SNRK: variants seen among roughly 807,000 people sequenced by gnomAD.
SNRK encodes the protein SNF-related serine/threonine-protein kinase.
In SNRK, 3 loss-of-function variants were observed where a neutral mutation model predicts 48.2. The observed-to-expected ratio is 0.06, with a 90% confidence interval of 0.03 to 0.16. The LOEUF is 0.16. Ranked by LOEUF, SNRK falls within the 10% of genes least tolerant of loss-of-function variation. The pLI is 1.00. For synonymous variants in SNRK, 376 were observed against 366.1 expected, an observed-to-expected ratio of 1.03 and a Z score of -0.31; for missense variants, 627 against 976.0, an observed-to-expected ratio of 0.64 and a Z score of 4.76.
intron 5 of SNRK, among the ~76,000 whole-genome samples, chr3:43,341,060 C>T (rs2091232073): frequency 6.6e-6 from 1 of 152,118 alleles, no homozygotes; most frequent in African/African-American, 2.4e-5. Flanking sequence ...ATTATCTGGC[C>T]CTTGAGAGCC....
At chr3:43,295,147 T>C (rs2090842749) in intron 1 of SNRK, among the ~76,000 whole-genome samples, 1 of 152,234 alleles carries the variant, frequency 6.6e-6, no homozygotes, top group South Asian at 2.1e-4. Flanking sequence ...GGTCCAGGTC[T>C]TGTGGCTTGG....
chr3:43,348,050 C>T lies in SNRK; in HGVS notation c.1791C>T (p.Ser597=), dbSNP rs1176306238. 6.2e-7 allele frequency: 1 copy of T among 1,605,130 alleles called. No individual in the cohort carries two copies. The highest frequency in any genetic ancestry group is 2.2e-5 in the East Asian group (1 of 44,830). ...CCAGTGGAGGGGTGGACAAGGCCAG[C>T]CCCAGTGAGAACAATGCTGGTGGGG... The part of the protein sequence containing the change: ...SNASGGVDKA[S]PSENNAGGGS... Residue 597 remains serine (S), a synonymous_variant, in exon 7 of 7, where the codon AGC becomes AGT. Coordinates refer to ENST00000296088, the MANE Select transcript of SNRK (RefSeq NM_017719.5).
intron 5 of SNRK, chr3:43,343,095 A>G (rs1346062475): frequency 2.6e-6 from 1 of 390,538 alleles, no homozygotes; most frequent in Non-Finnish European, 4.5e-6. Flanking sequence ...TGCTGTTGGC[A>G]TTTTGGATTT....
chr3:43,296,430 A>ATATATATATATG (rs371180789), intron 1 of SNRK, among the ~76,000 whole-genome samples: 1 of 146,080 alleles, frequency 6.8e-6, no homozygotes, highest in East Asian at 2.0e-4. Flanking sequence ...ATATATATAT[A>ATATATATATATG]TATGTATATA....
chr3:43,311,778 C>T (rs946844254), intron 3 of SNRK, among the ~76,000 whole-genome samples: 3 of 152,084 alleles, frequency 2.0e-5, no homozygotes, highest in South Asian at 4.1e-4. Flanking sequence ...GCTGCTTGTC[C>T]TGTGGGGTGG....
rs75950689 is a variant in SNRK at position 43,347,593 on chromosome 3, T to G, written c.1334T>G (p.Val445Gly). Residue 445 changes from valine (V) to glycine (G), a missense_variant, in exon 7 of 7, where the codon GTG becomes GGG. This residue lies in a region of SNRK where 175 missense variants were observed against 209.7 expected (regional missense o/e 0.83). Coordinates refer to ENST00000296088, the MANE Select transcript of SNRK (RefSeq NM_017719.5). This position sits in a 1 kb window ranked among gnomAD's most constrained non-coding sequence, Gnocchi z 5.4. Reference protein sequence around the residue: ...TASGRKCLFRVEEDEEEDEED... With the variant: ...TASGRKCLFRGEEDEEEDEED... ...AGTGGGCGGAAGTGTCTGTTCAGGGTGGAAGAAGATGAAGAGGAAGATGAG... is the reference window on the plus strand; with the variant it reads ...AGTGGGCGGAAGTGTCTGTTCAGGGGGGAAGAAGATGAAGAGGAAGATGAG... The G allele has an allele frequency of 6.2e-7, 1 of 1,613,572 alleles. No individual in the cohort carries two copies. The highest frequency in any genetic ancestry group is 8.5e-7 in the Non-Finnish European group (1 of 1,179,920).
intron 6 of SNRK, chr3:43,346,933 A>T (rs2091280896): frequency 6.3e-6 from 1 of 157,846 alleles, no homozygotes; most frequent in South Asian, 2.0e-4. Context: ...TTTCAGGTGA[A>T]TTTTATTTGT....
chr3:43,308,983 C>T (rs1428337093), intron 3 of SNRK, among the ~76,000 whole-genome samples: 1 of 152,142 alleles, frequency 6.6e-6, no homozygotes, highest in African/African-American at 2.4e-5. Context: ...TTCCAGCCCT[C>T]ATGGATGACT....
At chr3:43,310,498 A>G (rs73075050) in intron 3 of SNRK, among the ~76,000 whole-genome samples, 2,374 of 152,058 alleles carry the variant, frequency 0.016, 21 homozygotes, top group Non-Finnish European at 0.026. Context: ...CTTACTTTTT[A>G]CTTAATTTTA....
In SNRK at chr3:43,303,604, A is replaced by G. The variant is rs1349439464; in HGVS notation, c.401A>G (p.His134Arg). The G allele has an allele frequency of 1.9e-6, 3 of 1,614,050 alleles. No individual in the cohort carries two copies. The highest frequency in any genetic ancestry group is 2.2e-5 in the East Asian group (1 of 44,896). The change falls in exon 3 of 7, where the codon CAT becomes CGT. Residue 134 changes from histidine (H) to arginine (R), a missense_variant. Physicochemically the swap from His to Arg is conservative, Grantham distance 29 (BLOSUM62 0). Coordinates refer to ENST00000296088, the MANE Select transcript of SNRK (RefSeq NM_017719.5). The surrounding 1 kb of genome is among the most constrained non-coding windows in gnomAD (Gnocchi z 6.2). ...GCTATATCTTATTGCCATAAACTCC[A>G]TGTGGTTCACAGAGACTTAAAACCA... ...VHAISYCHKL[H>R]VVHRDLKPEN...
intron 4 of SNRK, among the ~76,000 whole-genome samples, chr3:43,334,115 C>T (rs1356941831): frequency 6.6e-6 from 1 of 152,040 alleles, no homozygotes; most frequent in Non-Finnish European, 1.5e-5. Flanking sequence ...CACTGCACTC[C>T]AGCCTGGGCG....
chr3:43,316,688 AC>A (rs1282482587), intron 3 of SNRK, among the ~76,000 whole-genome samples: 1 of 151,744 alleles, frequency 6.6e-6, no homozygotes, highest in Non-Finnish European at 1.5e-5. Flanking sequence ...ATAAGTGAAA[AC>A]CATGTTTTAG....
chr3:43,340,219 A>G, intron 4 of SNRK, 68 bp from the exon 5 acceptor site: 1 of 1,221,962 alleles, frequency 8.2e-7, no homozygotes, highest in Non-Finnish European at 1.2e-6. Flanking sequence ...TTTTGTTAAT[A>G]AAATGATCCA....
At chr3:43,332,474 C>T (rs926195568) in intron 4 of SNRK, 164 bp downstream of exon 4, 3 of 119,370 alleles carry the variant, frequency 2.5e-5, no homozygotes, top group African/African-American at 6.5e-5. Context: ...TCAGAGTGTT[C>T]GGTCGGCGGG....
At chr3:43,338,125 A>G (rs1449336095) in intron 4 of SNRK, among the ~76,000 whole-genome samples, 1 of 152,232 alleles carries the variant, frequency 6.6e-6, no homozygotes, top group Admixed American at 6.5e-5. Context: ...TAACTTTTCA[A>G]ATGCCACAAA....
rs1240043217 is a variant in SNRK, at chr3:43,349,181, T to C, written c.*624T>C. 6.5e-6 allele frequency: 1 copy of C among 152,680 alleles called. No homozygotes were observed. The highest frequency in any genetic ancestry group is 2.4e-5 in the African/African-American group (1 of 41,468). The allele number at this position is 152,680 out of a possible 1,614,324, so 9.5% of individuals were successfully genotyped here. On this transcript the variant is annotated 3_prime_UTR_variant, in exon 7 of 7. Coordinates refer to ENST00000296088, the MANE Select transcript of SNRK (RefSeq NM_017719.5). The stretch of plus-strand genomic sequence containing the variant: ...AAACAAAGTTTGGGCTCTGAAAATT[T>C]AACTGAAAAAGATTTCCTTGTTTTT...
intron 3 of SNRK, among the ~76,000 whole-genome samples, chr3:43,324,627 CT>C (rs1335200806): frequency 6.6e-6 from 1 of 151,824 alleles, no homozygotes; most frequent in Non-Finnish European, 1.5e-5. Flanking sequence ...TTTGAGAGAA[CT>C]TTTCTAAACT....
intron 3 of SNRK, among the ~76,000 whole-genome samples, chr3:43,316,842 C>T (rs1300426124): frequency 6.6e-6 from 1 of 151,994 alleles, no homozygotes; most frequent in East Asian, 1.9e-4. Flanking sequence ...AGAGACCTTC[C>T]TGCCTGCTTC....
chr3:43,299,358 A>G (rs2090881317), intron 1 of SNRK, among the ~76,000 whole-genome samples: 1 of 151,998 alleles, frequency 6.6e-6, no homozygotes, highest in Non-Finnish European at 1.5e-5. Flanking sequence ...TTGTATTTTT[A>G]GTAGAGACGG....
Sources: allele counts gnomAD v4.1 joint callset (sites outside exome capture counted in the v4.1 genomes callset), GRCh38; gene constraint gnomAD v4.1.1; regional missense constraint gnomAD v4.1.1; non-coding constraint Gnocchi (gnomAD v3.1); transcripts MANE v1.5; gene names NCBI Gene and HGNC (gene_info 2026-07-23, HGNC 2026-07-21).